BDKRB1: variants seen among roughly 807,000 people sequenced by gnomAD.
The protein encoded by BDKRB1 is B1 bradykinin receptor.
For synonymous variants in BDKRB1, 192 were observed against 189.1 expected, an observed-to-expected ratio of 1.02 and a Z score of -0.13; for missense variants, 414 against 441.4, an observed-to-expected ratio of 0.94 and a Z score of 0.56.
At chr14:96,258,606 C>T (rs1225266724) in intron 1 of BDKRB1, among the ~76,000 whole-genome samples, 28 of 152,296 alleles carry the variant, frequency 1.8e-4, no homozygotes, top group Admixed American at 1.4e-3. Context: ...CCACAACCTC[C>T]GCTTCCCAGG....
intron 1 of BDKRB1, among the ~76,000 whole-genome samples, chr14:96,262,242 C>T (rs1306848110): frequency 6.6e-6 from 1 of 152,230 alleles, no homozygotes; most frequent in Admixed American, 6.5e-5. Flanking sequence ...CTGAGCCTGG[C>T]TTTGTCATTC....
At chr14:96,262,511 AC>A (rs1485590949) in intron 1 of BDKRB1, 140 bp from the exon 2 acceptor site, 1 of 365,826 alleles carries the variant, frequency 2.7e-6, no homozygotes, top group Non-Finnish European at 5.2e-6. Flanking sequence ...CGCCTGGAAC[AC>A]AGACCATTAA....
rs1885841602 is a variant in BDKRB1 at position 96,264,419 on chromosome 14, G to C, written c.737G>C (p.Ser246Thr). Reference protein sequence around the residue: ...SRTRCGGRKDSKTTALILTLV... With the variant: ...SRTRCGGRKDTKTTALILTLV... ...ACAAGGTGCGGGGGCCGCAAGGATA[G>C]CAAGACCACAGCGCTGATCCTCACG... The change falls in exon 3 of 3, where the codon AGC (serine) becomes ACC (threonine). Residue 246 changes from serine to threonine, a missense_variant. Ser to Thr is a moderately conservative substitution (Grantham distance 58). Transcript: ENST00000216629. The C allele has an allele frequency of 6.2e-7, 1 of 1,614,210 alleles. No homozygotes were observed. The highest frequency in any genetic ancestry group is 2.2e-5 in the East Asian group (1 of 44,868).
At chr14:96,260,612 T>C (rs1455377755) in intron 1 of BDKRB1, among the ~76,000 whole-genome samples, 1 of 152,206 alleles carries the variant, frequency 6.6e-6, no homozygotes, top group Non-Finnish European at 1.5e-5. Flanking sequence ...CTGCAAAAAA[T>C]GACCAAACTA....
intron 1 of BDKRB1, among the ~76,000 whole-genome samples, chr14:96,260,098 C>T (rs1885710718): frequency 6.6e-6 from 1 of 150,850 alleles, no homozygotes; most frequent in Non-Finnish European, 1.5e-5. Context: ...GATCTCAGCT[C>T]ACTGCAACCT....
At position 96,264,384 on chromosome 14, in the gene BDKRB1, G is replaced by A. The variant is rs1328589802; in HGVS notation, c.702G>A (p.Glu234=). 4 of 1,614,080 alleles carry A rather than the reference G, an allele frequency of 2.5e-6. No individual in the cohort carries two copies. In the Admixed American group the frequency reaches 5.0e-5, roughly 20 times the overall value. Reference sequence around the variant, plus strand: ...TGGCCTCCCTGCGAACGCGGGAGGAGGTCAGCAGGACAAGGTGCGGGGGCC... The same window carrying A: ...TGGCCTCCCTGCGAACGCGGGAGGAAGTCAGCAGGACAAGGTGCGGGGGCC... ...HILASLRTRE[E]VSRTRCGGRK... Residue 234 remains glutamate (E), a synonymous_variant, in exon 3 of 3, where the codon GAG becomes GAA. Coordinates refer to ENST00000216629, the MANE Select transcript of BDKRB1 (RefSeq NM_000710.4).
rs1349102301 is a variant in BDKRB1 at position 96,264,019 on chromosome 14, A to G, written c.337A>G (p.Ile113Val). Residue 113 changes from isoleucine (I) to valine (V), a missense_variant, in exon 3 of 3, where the codon ATC becomes GTC. Physicochemically the swap from Ile to Val is conservative, Grantham distance 29 (BLOSUM62 3). Coordinates refer to ENST00000216629, the MANE Select transcript of BDKRB1 (RefSeq NM_000710.4). ...TTTCGGAGCCCTCCTCTGCCGTGTC[A>G]TCAACGGGGTCATCAAGGCCAATTT... ...WPFGALLCRV[I>V]NGVIKANLFI... The G allele has an allele frequency of 6.2e-7, 1 of 1,614,032 alleles. No homozygotes were observed. The highest frequency in any genetic ancestry group is 1.3e-5 in the African/African-American group (1 of 74,930).
rs1885814580 is a variant in BDKRB1 at position 96,263,795 on chromosome 14, G to C, written c.113G>C (p.Arg38Thr). 6.2e-7 allele frequency: 1 copy of C among 1,614,066 alleles called. No individual in the cohort carries two copies. The highest frequency in any genetic ancestry group is 8.5e-7 in the Non-Finnish European group (1 of 1,180,042). Residue 38 changes from arginine (R) to threonine (T), a missense_variant, in exon 3 of 3, where the codon AGA becomes ACA. Coordinates refer to ENST00000216629, the MANE Select transcript of BDKRB1 (RefSeq NM_000710.4). ...CCAGAAGCCTGGGACCTGCTGCACA[G>C]AGTGCTGCCAACATTTATCATCTCC... ...NAPEAWDLLH[R>T]VLPTFIISIC...
intron 1 of BDKRB1, among the ~76,000 whole-genome samples, chr14:96,258,799 G>A (rs935472822): frequency 6.6e-6 from 1 of 151,964 alleles, no homozygotes; most frequent in African/African-American, 2.4e-5. Context: ...GGGATTACAG[G>A]CATGAGCCAC....
In BDKRB1 at chr14:96,263,883, G is replaced by T. The variant is rs766803564; in HGVS notation, c.201G>T (p.Arg67=). ...TGTTGGTCTTCCTCCTGCCCCGGCG[G>T]CAACTGAACGTGGCAGAAATCTACC... The part of the protein sequence containing the change: ...FVLLVFLLPR[R]QLNVAEIYLA... Residue 67 remains arginine, a synonymous_variant, in exon 3 of 3, where the codon CGG becomes CGT. Transcript: ENST00000216629. The T allele has an allele frequency of 6.2e-7, 1 of 1,614,114 alleles. No individual in the cohort carries two copies. The highest frequency in any genetic ancestry group is 8.5e-7 in the Non-Finnish European group (1 of 1,180,050).
At chr14:96,263,532 C>G in intron 2 of BDKRB1, 141 bp from the exon 3 acceptor site, 1 of 916,166 alleles carries the variant, frequency 1.1e-6, no homozygotes, top group Non-Finnish European at 1.6e-6. Flanking sequence ...AGCATGAACA[C>G]AGCTGTAGAT....
At chr14:96,263,286 C>T (rs978442779) in intron 2 of BDKRB1, among the ~76,000 whole-genome samples, 1 of 152,222 alleles carries the variant, frequency 6.6e-6, no homozygotes, top group Non-Finnish European at 1.5e-5. Flanking sequence ...TAGATCCTGA[C>T]AACAGCCCTC....
At chr14:96,263,622 T>C in intron 2 of BDKRB1, 51 bp from the exon 3 acceptor site, 1 of 1,519,092 alleles carries the variant, frequency 6.6e-7, no homozygotes, top group Non-Finnish European at 8.8e-7. Context: ...GTTTGGCTCA[T>C]AGGCTGTAGT....
chr14:96,259,433 G>A (rs930383456), intron 1 of BDKRB1: 15 of 152,232 alleles, frequency 9.9e-5, no homozygotes, highest in South Asian at 8.3e-4. Context: ...TGTCACGTAC[G>A]TCTATAAATG....
At chr14:96,259,554 A>G (rs1281214188) in intron 1 of BDKRB1, 2 of 152,522 alleles carry the variant, frequency 1.3e-5, no homozygotes, top group Non-Finnish European at 2.9e-5. Flanking sequence ...TAGTAGGAAT[A>G]TTATTGTTAC....
At chr14:96,257,210 G>T (rs1319989938) in intron 1 of BDKRB1, among the ~76,000 whole-genome samples, 1 of 152,226 alleles carries the variant, frequency 6.6e-6, no homozygotes, top group Non-Finnish European at 1.5e-5. Flanking sequence ...CCGTCCTGGG[G>T]ATGGGGGCGG....
Position 96,264,177 on chromosome 14 carries a change from G to C in BDKRB1, c.495G>C (p.Gly165=). The stretch of plus-strand genomic sequence containing the variant: ...CCTGCGTGCTCATCTGGGTTGTGGG[G>C]GGCCTCTTGAGCATCCCCACATTCC... ...RVTCVLIWVV[G]GLLSIPTFLL... The change falls in exon 3 of 3, where the codon GGG becomes GGC. Residue 165 remains glycine, a synonymous_variant. Transcript: ENST00000216629. The C allele has an allele frequency of 6.2e-7, 1 of 1,607,604 alleles. No homozygotes were observed. The highest frequency in any genetic ancestry group is 1.1e-5 in the South Asian group (1 of 90,228).
rs1885817564 is a variant in BDKRB1, at chr14:96,263,866, T to G, written c.184T>G (p.Phe62Val). 10 of 1,614,218 alleles carry G rather than the reference T, an allele frequency of 6.2e-6. No individual in the cohort carries two copies. The highest frequency in any genetic ancestry group is 7.6e-6 in the Non-Finnish European group (9 of 1,180,024). ...LLGNLFVLLVFLLPRRQLNVA... is the reference protein window; with the variant it reads ...LLGNLFVLLVVLLPRRQLNVA... ...AGGGAACCTTTTTGTCCTGTTGGTC[T>G]TCCTCCTGCCCCGGCGGCAACTGAA... Residue 62 changes from phenylalanine (F) to valine (V), a missense_variant, in exon 3 of 3, where the codon TTC becomes GTC. Coordinates refer to ENST00000216629, the MANE Select transcript of BDKRB1 (RefSeq NM_000710.4).
intron 1 of BDKRB1, among the ~76,000 whole-genome samples, chr14:96,261,088 G>A (rs185260455): frequency 1.2e-4 from 18 of 152,002 alleles, no homozygotes; most frequent in Admixed American, 3.3e-4. Context: ...GGCATTGTCC[G>A]ATTTCTCCTT....
Sources: allele counts gnomAD v4.1 joint callset (sites outside exome capture counted in the v4.1 genomes callset), GRCh38; gene constraint gnomAD v4.1.1; transcripts MANE v1.5; gene names NCBI Gene and HGNC (gene_info 2026-07-23, HGNC 2026-07-21).